The following LRRC18 variants were observed in gnomAD, a reference collection of about 807,000 sequenced individuals.
LRRC18 encodes leucine-rich repeat-containing protein 18.
Under a neutral mutation model 11.2 loss-of-function variants are expected in LRRC18, and 12 were observed. The observed-to-expected ratio is 1.07, with a 90% CI of 0.69 to 1.74. The LOEUF is 1.74. Among genes scored for constraint, LRRC18 ranks in the 40% most tolerant of loss-of-function variants. The pLI, the probability that LRRC18 is intolerant of heterozygous loss-of-function variation, is 0.00. For missense variants in LRRC18, 374 were observed against 330.5 expected (o/e 1.13, Z -1.02); for synonymous variants, 155 against 130.6 (o/e 1.19, Z -1.27).
chr10:48,939,227 G>A, the LRRC18 span, among the ~76,000 whole-genome samples: 1 of 152,218 alleles, frequency 6.6e-6, no homozygotes, highest in Non-Finnish European at 1.5e-5. Flanking sequence ...CTTCCTCCAA[G>A]AGTAGAAAAG....
At position 48,913,714 on chromosome 10, in the gene LRRC18, C is replaced by T. The variant is rs200643784; in HGVS notation, c.442G>A (p.Glu148Lys). Residue 148 changes from glutamate (E) to lysine (K), a missense_variant, in exon 1 of 2, where the codon GAG becomes AAG. Glu to Lys is a moderately conservative substitution (Grantham distance 56). Transcript: ENST00000374160. ...AGTAGGTTGTCATGGAGCCCTACCTCGTGGAGCTCCTTCAGGGCCCCCAGT... is the reference window on the plus strand; with the variant it reads ...AGTAGGTTGTCATGGAGCCCTACCTTGTGGAGCTCCTTCAGGGCCCCCAGT... 2.9e-5 allele frequency: 47 copies of T among 1,612,510 alleles called. No homozygotes were observed. In the East Asian group the frequency reaches 4.7e-4, roughly 16 times the overall value.
the LRRC18 span, among the ~76,000 whole-genome samples, chr10:48,930,104 C>T: frequency 1.3e-5 from 2 of 152,080 alleles, no homozygotes; most frequent in South Asian, 4.1e-4. Context: ...GGCCCTTGGT[C>T]AATACTAGTT....
the LRRC18 span, among the ~76,000 whole-genome samples, chr10:48,931,136 C>T: frequency 2.0e-5 from 3 of 151,634 alleles, no homozygotes; most frequent in Non-Finnish European, 4.4e-5. Flanking sequence ...CACACGATTC[C>T]GCTTCTTTTC....
chr10:48,917,136 T>C (rs187833962), upstream of LRRC18, among the ~76,000 whole-genome samples: 2 of 152,316 alleles, frequency 1.3e-5, no homozygotes, highest in East Asian at 3.9e-4. Context: ...CCTAGGTCTA[T>C]AGTAGGCTAT....
intron 1 of LRRC18, among the ~76,000 whole-genome samples, chr10:48,910,642 G>A (rs1837913846): frequency 6.6e-6 from 1 of 152,120 alleles, no homozygotes; most frequent in South Asian, 2.1e-4. Flanking sequence ...TGAATGCATT[G>A]AGGCAAATCC....
At chr10:48,913,329 G>T (rs1022619279) in intron 1 of LRRC18, 63 bp downstream of exon 3, 229 of 1,491,962 alleles carry the variant, frequency 1.5e-4, no homozygotes, top group Non-Finnish European at 2.0e-4. Flanking sequence ...TGTGGAGGTA[G>T]CCCACTGCCC....
the LRRC18 span, among the ~76,000 whole-genome samples, chr10:48,922,893 GC>G: frequency 6.6e-6 from 1 of 152,194 alleles, no homozygotes; most frequent in Non-Finnish European, 1.5e-5. Context: ...TTGGGGAAAG[GC>G]TTGACTAGAA....
chr10:48,913,686 T>A, exon 1 of LRRC18: 2 of 1,613,066 alleles, frequency 1.2e-6, no homozygotes, highest in Non-Finnish European at 1.7e-6. Flanking sequence ...GGGGATGTTG[T>A]TCAGTAGGTT....
rs758549360 is a variant in LRRC18 at position 48,913,395 on chromosome 10, C to T, written c.761G>A (p.Trp254Ter). The change falls in exon 1 of 2, where the codon TGG (tryptophan) becomes TAG (stop). Residue 254 changes from tryptophan to a stop codon, truncating the protein, a stop_gained. Transcript: ENST00000374160. LOFTEE classifies it high-confidence loss of function. ...TCAGGGTCAGGTTCCAAGTCACCTC[C>T]AGTCTTCCCAGGAGTCCTTGGCCAT... The T allele has an allele frequency of 6.2e-7, 1 of 1,610,084 alleles. No homozygotes were observed. The highest frequency in any genetic ancestry group is 1.3e-5 in the African/African-American group (1 of 74,862).
At chr10:48,915,376 C>T (rs1401792161), upstream of LRRC18, among the ~76,000 whole-genome samples, 2 of 151,704 alleles carry the variant, frequency 1.3e-5, no homozygotes, top group African/African-American at 2.4e-5. Context: ...TTCTGGGACC[C>T]CCTTTTCTTT....
chr10:48,915,988 A>C (rs748019720), upstream of LRRC18, among the ~76,000 whole-genome samples: 3 of 152,256 alleles, frequency 2.0e-5, no homozygotes, highest in Non-Finnish European at 4.4e-5. Context: ...AGCTTAAAAA[A>C]CAAAGTGGAG....
chr10:48,914,117 G>C, exon 1 of LRRC18: 1 of 1,614,154 alleles, frequency 6.2e-7, no homozygotes, highest in Non-Finnish European at 8.5e-7. Flanking sequence ...CCTTGAGGGT[G>C]ATCTTCTTGC....
At chr10:48,925,591 G>A in the LRRC18 span, among the ~76,000 whole-genome samples, 10,210 of 152,224 alleles carry the variant, frequency 0.067, 826 homozygotes, top group African/African-American at 0.19. Context: ...CCCAATGTGA[G>A]CACTGCTTCC....
chr10:48,923,388 G>A, the LRRC18 span, among the ~76,000 whole-genome samples: 2 of 151,766 alleles, frequency 1.3e-5, no homozygotes, highest in Admixed American at 1.3e-4. Flanking sequence ...GCACTCATCT[G>A]ATGTTTATCA....
chr10:48,939,755 G>T, the LRRC18 span, among the ~76,000 whole-genome samples: 734 of 152,294 alleles, frequency 4.8e-3, 3 homozygotes, highest in African/African-American at 0.017. Flanking sequence ...CCTTTGGTTA[G>T]GTGTCCTGGA....
exon 1 of LRRC18, chr10:48,913,808 C>G (rs755602650): frequency 1.2e-6 from 2 of 1,614,094 alleles, no homozygotes; most frequent in South Asian, 1.1e-5. Context: ...GTTGCTTCAG[C>G]TCCACGGGCA....
At chr10:48,909,484 T>A (rs1358804028) in exon 2 of LRRC18, 2 of 147,682 alleles carry the variant, frequency 1.4e-5, no homozygotes, top group African/African-American at 5.4e-5. Context: ...GCTAGGTAAT[T>A]TATAAAGAAA....
At chr10:48,937,228 T>A in the LRRC18 span, among the ~76,000 whole-genome samples, 1 of 152,234 alleles carries the variant, frequency 6.6e-6, no homozygotes, top group East Asian at 1.9e-4. Context: ...CAGCCTCATA[T>A]TATGGCATAG....
At chr10:48,939,376 A>G in the LRRC18 span, among the ~76,000 whole-genome samples, 3 of 152,304 alleles carry the variant, frequency 2.0e-5, no homozygotes, top group South Asian at 6.2e-4. Flanking sequence ...AGGTGTGGCC[A>G]GTGTGTTGCA....
Sources: gnomAD v4.1 joint callset for allele counts (sites outside exome capture counted in the v4.1 genomes callset) on GRCh38, gnomAD v4.1.1 for gene constraint, MANE v1.5 for transcripts, NCBI Gene and HGNC (gene_info 2026-07-23, HGNC 2026-07-21) for gene names.